The following PPP1R21 variants were observed in gnomAD, a reference collection of about 807,000 sequenced individuals.
PPP1R21 encodes protein phosphatase 1 regulatory subunit 21.
PPP1R21 carries 85 observed loss-of-function variants against 112.8 expected under a neutral mutation model. The ratio of observed to expected loss-of-function variants is 0.75; its 90% CI spans 0.63 to 0.90. PPP1R21 has a LOEUF of 0.90. Ranked by LOEUF, PPP1R21 falls within the 40% of genes least tolerant of loss-of-function variation. The pLI is 0.00. For synonymous variants in PPP1R21, 381 were observed against 322.3 expected (o/e 1.18, Z -1.95); for missense variants, 1,199 against 901.5 (o/e 1.33, Z -4.23).
At chr2:48,470,993 A>G (rs1668472511) in intron 9 of PPP1R21, 94 bp from the exon 10 acceptor site, 6 of 860,856 alleles carry the variant, frequency 7.0e-6, no homozygotes, top group African/African-American at 1.7e-5. Flanking sequence ...CAGGTTTACA[A>G]TTTAGGTTTA....
intron 12 of PPP1R21, among the ~76,000 whole-genome samples, chr2:48,477,653 C>T (rs545611059): frequency 3.4e-5 from 5 of 149,216 alleles, no homozygotes; most frequent in Non-Finnish European, 5.9e-5. Context: ...GATTAGGAAG[C>T]GTGAGCCCTC....
chr2:48,464,101 A>C (rs956062138), intron 7 of PPP1R21, among the ~76,000 whole-genome samples: 1 of 152,178 alleles, frequency 6.6e-6, no homozygotes. Flanking sequence ...AGCGTTGTTG[A>C]AACAATGGAC....
rs548997098 is a variant in PPP1R21 at position 48,466,251 on chromosome 2, G to C, written c.897+609G>C. 5.3e-5 allele frequency among the ~76,000 whole-genome samples: 8 copies of C among 150,916 alleles called. No homozygotes were observed. The South Asian group carries it at 1.7e-3, about 32-fold the overall frequency. ...TTTTGAGGTGGAGTCTCGCTCTGTT[G>C]CCCAGGTTGGAGTGCAGCAGTGTGA... On this transcript the variant is annotated intron_variant, in intron 9 of 21. Coordinates refer to ENST00000294952, the MANE Select transcript of PPP1R21 (RefSeq NM_001135629.3).
At position 48,509,909 on chromosome 2, in the gene PPP1R21, A is replaced by G. The variant is rs1454413756; in HGVS notation, c.2086-106A>G. 9 of 654,188 alleles carry G rather than the reference A, an allele frequency of 1.4e-5. No homozygotes were observed. In the Admixed American group the frequency reaches 2.5e-4, roughly 18 times the overall value. The allele number at this position is 654,188 out of a possible 1,614,324, so 40.5% of individuals were successfully genotyped here. ...TATTCAACAGATTATTTGTGGAATG[A>G]ATGAGTAGCTTTGGCTTTGAGAAGT... On this transcript the variant is annotated intron_variant, in intron 19 of 21. Transcript: ENST00000294952.
At chr2:48,480,533 C>A (rs1668965575) in intron 13 of PPP1R21, among the ~76,000 whole-genome samples, 1 of 152,216 alleles carries the variant, frequency 6.6e-6, no homozygotes, top group South Asian at 2.1e-4. Flanking sequence ...TCAATTGCTT[C>A]TGTGCTCCTA....
At chr2:48,485,881 GTATATACTAACTAATA>G (rs1558487769) in intron 13 of PPP1R21, among the ~76,000 whole-genome samples, 4 of 1,796 alleles carry the variant, frequency 2.2e-3, no homozygotes, top group Non-Finnish European at 0.013. Flanking sequence ...ATATACAATT[GTATATACTAACTAATA>G]TATACAATTG....
Position 48,465,652 on chromosome 2 carries a change from A to T in PPP1R21, c.897+10A>T, listed in dbSNP as rs775491483. 1 of 1,609,258 alleles carries T rather than the reference A, an allele frequency of 6.2e-7. No individual in the cohort carries two copies. Among genetic ancestry groups the T allele is most frequent in the South Asian group, 1.1e-5 (1 of 89,668 alleles). On this transcript the variant is annotated intron_variant, in intron 9 of 21. Transcript: ENST00000294952. ...TCCATTGAATCAGAAGGTAAATTTA[A>T]TTCAGGATACATTTTGTTTGCCCTG...
At chr2:48,514,573 A>G (rs1169468202) in intron 21 of PPP1R21, 142 bp from the exon 22 acceptor site, 2 of 695,390 alleles carry the variant, frequency 2.9e-6, no homozygotes, top group Admixed American at 2.4e-5. Flanking sequence ...AAAGTTAACA[A>G]TGCAAGGTTA....
intron 4 of PPP1R21, among the ~76,000 whole-genome samples, chr2:48,459,334 T>G (rs1667878405): frequency 6.6e-6 from 1 of 152,180 alleles, no homozygotes; most frequent in African/African-American, 2.4e-5. Flanking sequence ...ATAACACCTG[T>G]TTTAATTTTG....
At chr2:48,514,265 T>C (rs1355140774) in intron 21 of PPP1R21, among the ~76,000 whole-genome samples, 1 of 152,006 alleles carries the variant, frequency 6.6e-6, no homozygotes, top group Non-Finnish European at 1.5e-5. Context: ...TTTTTGTATT[T>C]TTAATAGAGA....
chr2:48,464,806 C>G (rs1668127270), intron 7 of PPP1R21, 131 bp from the exon 8 acceptor site: 1 of 599,236 alleles, frequency 1.7e-6, no homozygotes, highest in East Asian at 3.3e-5. Flanking sequence ...TTCCATTATT[C>G]TGTATTGTTG....
rs1166354107 is a variant in PPP1R21, at chr2:48,464,919, A to C, written c.695-18A>C. ...ATGTGAAATGAGAGACTTAATGTAC[A>C]TTATTTTTCTTCTGTAGAATATAGT... On this transcript the variant is annotated intron_variant, in intron 7 of 21. Coordinates refer to ENST00000294952, the MANE Select transcript of PPP1R21 (RefSeq NM_001135629.3). 11 of 1,554,810 alleles carry C rather than the reference A, an allele frequency of 7.1e-6. No individual in the cohort carries two copies. The highest frequency in any genetic ancestry group is 8.7e-6 in the Non-Finnish European group (10 of 1,155,642).
intron 11 of PPP1R21, 149 bp from the exon 12 acceptor site, chr2:48,474,534 T>TA (rs1357711316): frequency 6.2e-6 from 4 of 642,642 alleles, no homozygotes; most frequent in South Asian, 2.0e-5. Context: ...TATCATGATG[T>TA]AAAAAAATGG....
At chr2:48,441,169 C>G in intron 1 of PPP1R21, 159 bp downstream of exon 1, 2 of 644,018 alleles carry the variant, frequency 3.1e-6, no homozygotes, top group Non-Finnish European at 5.6e-6. Context: ...GTGCCTCCAC[C>G]TGCAGCTCCC....
chr2:48,463,177 C>G (rs1010564605), intron 7 of PPP1R21, among the ~76,000 whole-genome samples: 4 of 152,154 alleles, frequency 2.6e-5, no homozygotes, highest in African/African-American at 4.8e-5. Context: ...TGGAGGAGCC[C>G]TCATGTTGGG....
At chr2:48,446,894 G>T (rs1256268721) in intron 1 of PPP1R21, among the ~76,000 whole-genome samples, 3 of 152,098 alleles carry the variant, frequency 2.0e-5, no homozygotes, top group African/African-American at 7.2e-5. Flanking sequence ...GGGATTACAT[G>T]CGCCTGCCAC....
intron 16 of PPP1R21, among the ~76,000 whole-genome samples, chr2:48,496,322 T>G (rs1669832478): frequency 6.6e-6 from 1 of 152,198 alleles, no homozygotes. Flanking sequence ...TGCCCTCTTT[T>G]AACTTGCCTA....
intron 1 of PPP1R21, among the ~76,000 whole-genome samples, chr2:48,448,360 G>A (rs191394554): frequency 6.6e-6 from 1 of 152,290 alleles, no homozygotes; most frequent in African/African-American, 2.4e-5. Context: ...TAACAAAGCA[G>A]TCTGTTCAGT....
At chr2:48,455,709 C>A (rs539923735) in intron 3 of PPP1R21, among the ~76,000 whole-genome samples, 2 of 151,952 alleles carry the variant, frequency 1.3e-5, no homozygotes, top group African/African-American at 2.4e-5. Context: ...ATTGTCAAAG[C>A]GTTACTACTC....
Sources: allele counts gnomAD v4.1 joint callset (sites outside exome capture counted in the v4.1 genomes callset), GRCh38; gene constraint gnomAD v4.1.1; transcripts MANE v1.5; gene names NCBI Gene and HGNC (gene_info 2026-07-23, HGNC 2026-07-21).